DGKH: variants seen among roughly 807,000 people sequenced by gnomAD.
DGKH encodes the protein DAG kinase eta.
In DGKH, 90 loss-of-function variants were observed where a neutral mutation model predicts 159.3. That is an observed-to-expected ratio of 0.57 (90% CI 0.48 to 0.67). DGKH has a LOEUF of 0.67. Among genes scored for constraint, DGKH ranks in the 30% least tolerant of loss-of-function variants. DGKH has a pLI of 0.00. For missense variants in DGKH, 1,181 were observed against 1,506.1 expected (o/e 0.78, Z 3.57); for synonymous variants, 536 against 553.8 (o/e 0.97, Z 0.45).
chr13:42,153,468 G>A (rs1955968761), intron 3 of DGKH, among the ~76,000 whole-genome samples: 1 of 152,112 alleles, frequency 6.6e-6, no homozygotes, highest in South Asian at 2.1e-4. Context: ...CTCATATAAG[G>A]GAAGGAGAGG....
intron 2 of DGKH, among the ~76,000 whole-genome samples, chr13:42,128,699 T>C (rs1364638375): frequency 6.6e-6 from 1 of 152,240 alleles, no homozygotes; most frequent in African/African-American, 2.4e-5. Flanking sequence ...AGCATTTCAT[T>C]GTATTTCTTC....
chr13:42,254,900 TAATG>T (rs1958646275), intron 30 of DGKH, among the ~76,000 whole-genome samples: 1 of 152,090 alleles, frequency 6.6e-6, no homozygotes, highest in African/African-American at 2.4e-5. Flanking sequence ...TTTTTTAAAA[TAATG>T]AATGTGATGC....
At chr13:42,248,506 AAAT>A (rs905474730) in intron 29 of DGKH, among the ~76,000 whole-genome samples, 3 of 147,208 alleles carry the variant, frequency 2.0e-5, no homozygotes, top group Non-Finnish European at 3.0e-5. Context: ...ATTTATAATT[AAAT>A]AATATATATT....
At chr13:42,191,974 A>G (rs1957081023) in intron 16 of DGKH, among the ~76,000 whole-genome samples, 1 of 152,152 alleles carries the variant, frequency 6.6e-6, no homozygotes, top group Non-Finnish European at 1.5e-5. Context: ...CATCTCTAAT[A>G]TGAGGATAAT....
rs1958451038 is a variant in DGKH, at chr13:42,237,975, G to C, written c.*8787G>C. 1 of 152,104 alleles carries C rather than the reference G, an allele frequency of 6.6e-6. No homozygotes were observed. Among genetic ancestry groups the C allele is most frequent in the Non-Finnish European group, 1.5e-5 (1 of 68,010 alleles). 9.4% of individuals were successfully genotyped at this position (152,104 alleles called of 1,614,324 possible). ...TCACTGAAACAACAAAACAATTATT[G>C]AAATTCACAATACCTAGAGATGGGA... On this transcript the variant is annotated 3_prime_UTR_variant, in exon 30 of 30. Coordinates refer to ENST00000337343, the MANE Select transcript of DGKH (RefSeq NM_178009.5).
At chr13:42,055,056 C>G (rs1250199199) in intron 1 of DGKH, among the ~76,000 whole-genome samples, 1 of 152,072 alleles carries the variant, frequency 6.6e-6, no homozygotes, top group Non-Finnish European at 1.5e-5. Context: ...TTTAAGAAAT[C>G]AGTTTGAACA....
chr13:42,049,405 G>A (rs1881093618), intron 1 of DGKH, among the ~76,000 whole-genome samples: 1 of 152,232 alleles, frequency 6.6e-6, no homozygotes, highest in Non-Finnish European at 1.5e-5. Context: ...TTTCTTCCCT[G>A]CCGTTCGGGG....
chr13:42,210,874 A>G (rs1268891197), intron 24 of DGKH, 109 bp downstream of exon 24: 1 of 941,668 alleles, frequency 1.1e-6, no homozygotes, highest in East Asian at 2.6e-5. Context: ...AAGAGATGCA[A>G]TTACTCTTCT....
At chr13:42,212,681 G>T (rs1342274068) in intron 24 of DGKH, among the ~76,000 whole-genome samples, 1 of 152,134 alleles carries the variant, frequency 6.6e-6, no homozygotes, top group Non-Finnish European at 1.5e-5. Context: ...TTTATTCATT[G>T]ACTATGCAAA....
At chr13:42,246,763 G>GT (rs2138334833), downstream of DGKH, among the ~76,000 whole-genome samples, 1 of 152,274 alleles carries the variant, frequency 6.6e-6, no homozygotes, top group African/African-American at 2.4e-5. Flanking sequence ...CCATGCTGCT[G>GT]TATCACCCCC....
At chr13:42,102,602 C>T (rs1405469708) in intron 1 of DGKH, among the ~76,000 whole-genome samples, 3 of 152,188 alleles carry the variant, frequency 2.0e-5, no homozygotes, top group Non-Finnish European at 4.4e-5. Flanking sequence ...GACACTCTGC[C>T]TAGTGAATTA....
intron 1 of DGKH, among the ~76,000 whole-genome samples, chr13:42,087,767 T>C (rs1431549763): frequency 1.4e-5 from 2 of 139,310 alleles, no homozygotes; most frequent in Non-Finnish European, 3.1e-5. Flanking sequence ...TTTTTTGCAA[T>C]GAGCTGTGGG....
At chr13:42,101,750 G>GGTATGTGT (rs1050516846) in intron 1 of DGKH, among the ~76,000 whole-genome samples, 2 of 151,056 alleles carry the variant, frequency 1.3e-5, no homozygotes, top group African/African-American at 4.9e-5. Flanking sequence ...AGTTAAAAGA[G>GGTATGTGT]GTATGTGTGT....
rs368615756 is a variant in DGKH, at chr13:42,143,520, G to A, written c.385-11771G>A. On this transcript the variant is annotated intron_variant, in intron 3 of 29. Transcript: ENST00000337343. ...TCTGGTAGAATTCAGCTGTGAATCC[G>A]TCTGGTCCTGGACTTTTTTTGGTTG... is the stretch of plus-strand genomic sequence containing the variant. Among the ~76,000 whole-genome samples the A allele has an allele frequency of 4.4e-3, 668 of 152,176 alleles. 8 individuals are homozygous for A. Among genetic ancestry groups the A allele is most frequent in the African/African-American group, 0.015 (638 of 41,502 alleles).
intron 1 of DGKH, among the ~76,000 whole-genome samples, chr13:42,064,937 G>C (rs954138037): frequency 2.0e-5 from 3 of 152,002 alleles, no homozygotes; most frequent in Admixed American, 2.0e-4. Context: ...ACGAGTCCCA[G>C]TTTGAGTTCC....
At chr13:42,243,501 C>T (rs1171362054), downstream of DGKH, among the ~76,000 whole-genome samples, 1 of 152,158 alleles carries the variant, frequency 6.6e-6, no homozygotes, top group African/African-American at 2.4e-5. Context: ...TGGTAATGAT[C>T]TGTGAATAGC....
intron 1 of DGKH, among the ~76,000 whole-genome samples, chr13:42,084,031 C>A (rs182311946): frequency 8.5e-4 from 129 of 152,160 alleles, no homozygotes; most frequent in African/African-American, 2.9e-3. Context: ...AATATGAGAG[C>A]AAATTATGGT....
intron 1 of DGKH, among the ~76,000 whole-genome samples, chr13:42,081,233 A>ATTT (rs113809956): frequency 6.8e-6 from 1 of 147,500 alleles, no homozygotes; most frequent in African/African-American, 2.5e-5. Flanking sequence ...TTTCTCTCCT[A>ATTT]TTTTTTTTTT....
chr13:42,159,244 C>CTTTTTTTCTTTTTTTTT (rs1956116568), intron 5 of DGKH, 22 bp from the exon 6 acceptor site: 1 of 200,416 alleles, frequency 5.0e-6, no homozygotes, highest in Non-Finnish European at 8.6e-6. Context: ...AGCAGTTGCT[C>CTTTTTTTCTTTTTTTTT]TTTTTTTTTT....
Sources: gnomAD v4.1 joint callset for allele counts (sites outside exome capture counted in the v4.1 genomes callset) on GRCh38, gnomAD v4.1.1 for gene constraint, MANE v1.5 for transcripts, NCBI Gene and HGNC (gene_info 2026-07-23, HGNC 2026-07-21) for gene names.